TRPC6: variants seen among roughly 807,000 people sequenced by gnomAD.
TRPC6 encodes short transient receptor potential channel 6.
TRPC6 carries 55 observed loss-of-function variants against 90.7 expected under a neutral mutation model. The ratio of observed to expected loss-of-function variants is 0.61; its 90% CI spans 0.49 to 0.76. The LOEUF (loss-of-function observed/expected upper bound fraction) is 0.76, where lower values mean the gene tolerates loss of function less well. TRPC6 is among the 30% of genes least tolerant of loss of function. The pLI is 0.00. For synonymous variants in TRPC6, 393 were observed against 393.0 expected (o/e 1.00, Z 0.00); for missense variants, 989 against 1,122.7 (o/e 0.88, Z 1.70).
At chr11:101,546,990 A>C (rs1861320542) in intron 1 of TRPC6, among the ~76,000 whole-genome samples, 1 of 152,176 alleles carries the variant, frequency 6.6e-6, no homozygotes, top group African/African-American at 2.4e-5. Flanking sequence ...GAAAGTTCAA[A>C]CACATTATAT....
intron 4 of TRPC6, among the ~76,000 whole-genome samples, chr11:101,488,676 C>T (rs2136701276): frequency 6.6e-6 from 1 of 152,238 alleles, no homozygotes; most frequent in Non-Finnish European, 1.5e-5. Context: ...TCCTTTCACA[C>T]ATTAACAGTG....
intron 1 of TRPC6, among the ~76,000 whole-genome samples, chr11:101,541,163 T>C (rs570041998): frequency 2.0e-5 from 3 of 152,340 alleles, no homozygotes; most frequent in Non-Finnish European, 4.4e-5. Context: ...TCTTTAGTTA[T>C]ATTAACCTTA....
intron 2 of TRPC6, among the ~76,000 whole-genome samples, chr11:101,493,339 C>T (rs1859872226): frequency 6.6e-6 from 1 of 152,128 alleles, no homozygotes; most frequent in African/African-American, 2.4e-5. Context: ...CATCCTGGGC[C>T]TCATGTCCAA....
At chr11:101,461,678 C>T (rs1591522653) in intron 10 of TRPC6, among the ~76,000 whole-genome samples, 1 of 152,212 alleles carries the variant, frequency 6.6e-6, no homozygotes. Flanking sequence ...TGTCTGTACA[C>T]CTTTCCTTCT....
intron 2 of TRPC6, among the ~76,000 whole-genome samples, chr11:101,493,677 A>T (rs1859880171): frequency 6.6e-6 from 1 of 152,212 alleles, no homozygotes; most frequent in African/African-American, 2.4e-5. Flanking sequence ...AGCTTCAGTG[A>T]CAGACTTTTC....
At chr11:101,511,305 A>C (rs1292773219) in intron 1 of TRPC6, among the ~76,000 whole-genome samples, 3 of 152,152 alleles carry the variant, frequency 2.0e-5, no homozygotes, top group Non-Finnish European at 4.4e-5. Context: ...GAAGCAATAA[A>C]CAATTAAAGT....
At chr11:101,569,335 G>A (rs1861904823) in intron 1 of TRPC6, among the ~76,000 whole-genome samples, 1 of 152,144 alleles carries the variant, frequency 6.6e-6, no homozygotes, top group South Asian at 2.1e-4. Context: ...AAATATATGT[G>A]CACCCAATAC....
chr11:101,488,028 T>C (rs952897883), intron 4 of TRPC6, among the ~76,000 whole-genome samples: 6 of 152,214 alleles, frequency 3.9e-5, no homozygotes, highest in Non-Finnish European at 7.4e-5. Context: ...AAATGAATCA[T>C]GCCCATGTTT....
At chr11:101,578,595 AT>A (rs1447533889) in intron 1 of TRPC6, among the ~76,000 whole-genome samples, 1 of 149,876 alleles carries the variant, frequency 6.7e-6, no homozygotes, top group Non-Finnish European at 1.5e-5. Flanking sequence ...TCTGTGACCC[AT>A]TTTTTAAAAG....
At chr11:101,513,622 G>A (rs954368238) in intron 1 of TRPC6, among the ~76,000 whole-genome samples, 7 of 151,986 alleles carry the variant, frequency 4.6e-5, no homozygotes, top group Admixed American at 6.6e-5. Context: ...GGGTAACCAC[G>A]GCATCATCAG....
intron 1 of TRPC6, among the ~76,000 whole-genome samples, chr11:101,576,642 A>G (rs1249525249): frequency 6.6e-6 from 1 of 152,206 alleles, no homozygotes; most frequent in African/African-American, 2.4e-5. Flanking sequence ...TGGTAATTTT[A>G]TCCAACTGGA....
intron 2 of TRPC6, among the ~76,000 whole-genome samples, chr11:101,503,712 T>C (rs557892532): frequency 1.3e-5 from 2 of 152,264 alleles, no homozygotes; most frequent in Non-Finnish European, 2.9e-5. Flanking sequence ...CATTTGTTGA[T>C]ATTGGGCATT....
chr11:101,530,148 C>T (rs542806167), intron 1 of TRPC6, among the ~76,000 whole-genome samples: 2 of 152,236 alleles, frequency 1.3e-5, no homozygotes, highest in African/African-American at 2.4e-5. Context: ...GGAGACACAC[C>T]CATCTGTGCC....
At chr11:101,525,394 G>T (rs140117328) in intron 1 of TRPC6, among the ~76,000 whole-genome samples, 1 of 152,164 alleles carries the variant, frequency 6.6e-6, no homozygotes, top group Admixed American at 6.5e-5. Flanking sequence ...AAAAATAACC[G>T]ACAGCAAAGA....
At chr11:101,541,942 G>T (rs1223666115) in intron 1 of TRPC6, among the ~76,000 whole-genome samples, 1 of 152,148 alleles carries the variant, frequency 6.6e-6, no homozygotes, top group East Asian at 1.9e-4. Context: ...ACTATGTCTA[G>T]AAGTTTGGAA....
At chr11:101,472,591 CAT>C (rs752124606) in intron 7 of TRPC6, among the ~76,000 whole-genome samples, 3 of 152,134 alleles carry the variant, frequency 2.0e-5, no homozygotes, top group Non-Finnish European at 4.4e-5. Context: ...ATGCTATTAA[CAT>C]AATTTCATAA....
chr11:101,482,956 C>T lies in TRPC6; in HGVS notation c.1503G>A (p.Trp501Ter), dbSNP rs1859587039. The T allele has an allele frequency of 6.2e-7, 1 of 1,613,866 alleles. No individual in the cohort carries two copies. Among genetic ancestry groups the T allele is most frequent in the Non-Finnish European group, 8.5e-7 (1 of 1,179,848 alleles). ...CAGAAAATCAGTCTTTACCTATTAC[C>T]CAGGATATAATGAGCATCTCCATCC... ...FSWMEMLIIS[W>*]VIGMIWAECK... The change falls in exon 5 of 13, where the codon TGG (tryptophan) becomes TGA (stop). Residue 501 changes from tryptophan (W) to a stop codon, truncating the protein, a stop_gained. Coordinates refer to ENST00000344327, the MANE Select transcript of TRPC6 (RefSeq NM_004621.6). LOFTEE classifies it high-confidence loss of function.
chr11:101,480,043 T>C (rs915443816), intron 5 of TRPC6, among the ~76,000 whole-genome samples: 1 of 152,032 alleles, frequency 6.6e-6, no homozygotes, highest in African/African-American at 2.4e-5. Context: ...CCAGGCGTGA[T>C]AGCTCATGCC....
chr11:101,557,464 A>G lies in TRPC6; in HGVS notation c.170+25870T>C, dbSNP rs577282208. On this transcript the variant is annotated intron_variant, in intron 1 of 12. Coordinates refer to ENST00000344327, the MANE Select transcript of TRPC6 (RefSeq NM_004621.6). ...ATATCTGGAACAAGATAAGTTGCCC[A>G]CTCTTACCACTTCTATTCAACATAG... Among the ~76,000 whole-genome samples, 7 of 152,198 alleles carry G rather than the reference A, an allele frequency of 4.6e-5. No individual in the cohort carries two copies. The South Asian group carries it at 1.5e-3, about 32-fold the overall frequency.
Sources: allele counts gnomAD v4.1 joint callset (sites outside exome capture counted in the v4.1 genomes callset), GRCh38; gene constraint gnomAD v4.1.1; transcripts MANE v1.5; gene names NCBI Gene and HGNC (gene_info 2026-07-23, HGNC 2026-07-21).